PVT1: variants seen among roughly 807,000 people sequenced by gnomAD.
PVT1 encodes CXCR4/PVT1 fusion.
At chr8:127,952,982 T>A (rs1002402722) in intron 3 of PVT1, among the ~76,000 whole-genome samples, 16 of 152,080 alleles carry the variant, frequency 1.1e-4, no homozygotes, top group African/African-American at 3.4e-4. Context: ...GCCAGGATGG[T>A]CTCGATCTCC....
Position 127,811,447 on chromosome 8 carries a change from C to A in PVT1, n.372+15376C>A, listed in dbSNP as rs370724567. On this transcript the variant is annotated intron_variant and non_coding_transcript_variant, in intron 2 of 10. Transcript: ENST00000651587. Reference sequence around the variant, plus strand: ...GCATTTCATGTCTTTCCTTTCCATTCCCCCTGGGCCTAGCAGGGAGCTGGC... The same window carrying A: ...GCATTTCATGTCTTTCCTTTCCATTACCCCTGGGCCTAGCAGGGAGCTGGC... Among the ~76,000 whole-genome samples the A allele has an allele frequency of 3.5e-4, 53 of 152,310 alleles. No homozygotes were observed. The East Asian group carries it at 0.01, about 29-fold the overall frequency.
At chr8:128,058,527 G>A (rs1229931447) in intron 4 of PVT1, among the ~76,000 whole-genome samples, 1 of 151,980 alleles carries the variant, frequency 6.6e-6, no homozygotes, top group Non-Finnish European at 1.5e-5. Flanking sequence ...TGACTGCTTG[G>A]ACACCAGACT....
chr8:127,827,093 T>A (rs181796312), intron 2 of PVT1, among the ~76,000 whole-genome samples: 2 of 149,502 alleles, frequency 1.3e-5, no homozygotes, highest in African/African-American at 5.0e-5. Context: ...CCTCCTGGGT[T>A]CGAGCGATTC....
intron 2 of PVT1, among the ~76,000 whole-genome samples, chr8:127,858,275 C>T (rs375081313): frequency 3.5e-4 from 53 of 152,096 alleles, no homozygotes; most frequent in African/African-American, 1.2e-3. Flanking sequence ...GGCATGGTGG[C>T]GGGTGCCTGT....
At chr8:128,018,736 G>T (rs189026183) in intron 4 of PVT1, among the ~76,000 whole-genome samples, 1 of 151,346 alleles carries the variant, frequency 6.6e-6, no homozygotes, top group Non-Finnish European at 1.5e-5. Context: ...AGTGTGTTAC[G>T]CAGAGCCTTA....
intron 3 of PVT1, among the ~76,000 whole-genome samples, chr8:127,984,922 T>TTTCTTTCTTTCC (rs1816941134): frequency 8.2e-6 from 1 of 122,022 alleles, no homozygotes; most frequent in Non-Finnish European, 1.7e-5. Context: ...TCTTTCTTTC[T>TTTCTTTCTTTCC]CTTTCTCTTT....
At chr8:127,911,600 C>T (rs990131107) in intron 3 of PVT1, among the ~76,000 whole-genome samples, 3 of 152,252 alleles carry the variant, frequency 2.0e-5, no homozygotes, top group African/African-American at 7.2e-5. Context: ...GTTTCTCATC[C>T]TCGCTACCAC....
chr8:127,905,279 GC>G (rs61301782), intron 3 of PVT1, among the ~76,000 whole-genome samples: 5,351 of 152,258 alleles, frequency 0.035, 341 homozygotes, highest in African/African-American at 0.12. Context: ...ATGGGCAAAT[GC>G]CATGGGCTGG....
chr8:127,880,673 T>A (rs191727658), intron 2 of PVT1, among the ~76,000 whole-genome samples: 1 of 146,822 alleles, frequency 6.8e-6, no homozygotes, highest in East Asian at 2.1e-4. Flanking sequence ...TGATCACTGC[T>A]CATTGCAACT....
At chr8:127,845,019 G>A (rs1468651374) in intron 2 of PVT1, among the ~76,000 whole-genome samples, 1 of 152,166 alleles carries the variant, frequency 6.6e-6, no homozygotes, top group East Asian at 1.9e-4. Context: ...GGCCGGAGGT[G>A]TGTTTTACAT....
At chr8:128,085,247 T>C (rs1016555606) in intron 5 of PVT1, among the ~76,000 whole-genome samples, 3 of 152,118 alleles carry the variant, frequency 2.0e-5, no homozygotes, top group Non-Finnish European at 2.9e-5. Context: ...TGGATGCACA[T>C]GTAGGCCCTC....
intron 3 of PVT1, among the ~76,000 whole-genome samples, chr8:127,982,668 TAATTAATTAATAA>T (rs1054952183): frequency 4.8e-5 from 7 of 145,696 alleles, no homozygotes; most frequent in African/African-American, 2.0e-4. Flanking sequence ...ATTAATTAAT[TAATTAATTAATAA>T]AATAAATGAA....
chr8:128,039,963 A>T (rs550762041), intron 4 of PVT1, among the ~76,000 whole-genome samples: 27 of 152,332 alleles, frequency 1.8e-4, no homozygotes, highest in Middle Eastern at 3.4e-3. Context: ...GCAACTACAG[A>T]ATGAAGTTTC....
At chr8:128,099,127 C>T (rs543972874) in intron 6 of PVT1, among the ~76,000 whole-genome samples, 33 of 152,322 alleles carry the variant, frequency 2.2e-4, no homozygotes, top group African/African-American at 7.9e-4. Flanking sequence ...GAGTGGGCCT[C>T]CCACCCAGGC....
At chr8:127,971,342 C>A (rs945947084) in intron 3 of PVT1, among the ~76,000 whole-genome samples, 2 of 152,220 alleles carry the variant, frequency 1.3e-5, no homozygotes, top group African/African-American at 4.8e-5. Context: ...TGCCTCCATC[C>A]CCTGCTGGGC....
At chr8:127,860,621 T>A (rs865788062) in intron 2 of PVT1, among the ~76,000 whole-genome samples, 7 of 151,836 alleles carry the variant, frequency 4.6e-5, no homozygotes, top group African/African-American at 1.7e-4. Flanking sequence ...AAAAATTAGC[T>A]GGGCGTGGTG....
chr8:128,022,242 C>A (rs1275382103), intron 4 of PVT1, among the ~76,000 whole-genome samples: 1 of 152,028 alleles, frequency 6.6e-6, no homozygotes, highest in Non-Finnish European at 1.5e-5. Flanking sequence ...AAGGTGGGGA[C>A]GGGGTGGGAG....
chr8:128,032,058 CT>C (rs1813398008), intron 4 of PVT1, among the ~76,000 whole-genome samples: 1 of 152,198 alleles, frequency 6.6e-6, no homozygotes, highest in East Asian at 1.9e-4. Flanking sequence ...CTGCTTCTTG[CT>C]GGGATTTCAA....
intron 3 of PVT1, among the ~76,000 whole-genome samples, chr8:127,988,642 T>G (rs1381432352): frequency 6.6e-6 from 1 of 152,248 alleles, no homozygotes; most frequent in African/African-American, 2.4e-5. Context: ...TGTTACTAGA[T>G]GACAGTGTTG....
Sources: gnomAD v4.1 joint callset for allele counts (sites outside exome capture counted in the v4.1 genomes callset) on GRCh38, gnomAD v4.1.1 for gene constraint, MANE v1.5 for transcripts, NCBI Gene and HGNC (gene_info 2026-07-23, HGNC 2026-07-21) for gene names.